Variants in FIGN observed in about 807,000 individuals in gnomAD.
FIGN encodes fidgetin, microtubule severing factor, also known as fidgetin.
Under a neutral mutation model 51.3 loss-of-function variants are expected in FIGN, and 11 were observed. That is an observed-to-expected ratio of 0.21 (90% CI 0.13 to 0.35). The LOEUF (loss-of-function observed/expected upper bound fraction) is 0.35. FIGN is among the 10% of genes least tolerant of loss of function. The pLI is 1.00. For synonymous variants in FIGN, 407 were observed against 363.2 expected (o/e 1.12, Z -1.37); for missense variants, 857 against 943.6 (o/e 0.91, Z 1.20).
Position 163,605,824 on chromosome 2 carries a change from G to T in FIGN, c.*3728C>A, listed in dbSNP as rs186188042. 3.9e-4 allele frequency: 59 copies of T among 151,446 alleles called. No individual in the cohort carries two copies. The highest frequency in any genetic ancestry group is 1.4e-3 in the African/African-American group (58 of 41,262). 9.4% of individuals were successfully genotyped at this position (151,446 alleles called of 1,614,324 possible). ...ATTTTTAGAGAAAGAAATTCTAAAT[G>T]TCTCTAAAAACGTATTTTCCAACCC... On this transcript the variant is annotated 3_prime_UTR_variant, in exon 3 of 3. Coordinates refer to ENST00000333129, the MANE Select transcript of FIGN (RefSeq NM_018086.4).
intron 2 of FIGN, among the ~76,000 whole-genome samples, chr2:163,697,082 T>C (rs566770348): frequency 1.3e-5 from 2 of 148,896 alleles, no homozygotes; most frequent in East Asian, 4.0e-4. Flanking sequence ...TGTGTCATAA[T>C]TTTTTTTCTT....
chr2:163,612,435 A>C, intron 2 of FIGN: 1 of 985,180 alleles, frequency 1.0e-6, no homozygotes, highest in Non-Finnish European at 1.2e-6. Flanking sequence ...CTCTCATCTA[A>C]AGTGGTCCAC....
intron 2 of FIGN, among the ~76,000 whole-genome samples, chr2:163,628,322 AGAG>A (rs1683088901): frequency 6.6e-6 from 1 of 152,204 alleles, no homozygotes; most frequent in African/African-American, 2.4e-5. Flanking sequence ...GAATAGAGAG[AGAG>A]GAGGTTTCCT....
chr2:163,659,369 C>T (rs1447300466), intron 2 of FIGN, among the ~76,000 whole-genome samples: 2 of 151,800 alleles, frequency 1.3e-5, no homozygotes, highest in Non-Finnish European at 2.9e-5. Context: ...ACCTAAACTA[C>T]TAGAACAATC....
intron 2 of FIGN, among the ~76,000 whole-genome samples, chr2:163,718,165 C>A (rs1684699072): frequency 6.6e-6 from 1 of 152,074 alleles, no homozygotes; most frequent in African/African-American, 2.4e-5. Flanking sequence ...TTCTAATGTG[C>A]CCTAACTTAG....
chr2:163,728,228 G>A (rs1457519386), intron 2 of FIGN, among the ~76,000 whole-genome samples: 1 of 150,780 alleles, frequency 6.6e-6, no homozygotes, highest in African/African-American at 2.5e-5. Flanking sequence ...TCAGCATTTT[G>A]TATCAGATAA....
chr2:163,697,081 A>G (rs1684332111), intron 2 of FIGN, among the ~76,000 whole-genome samples: 1 of 139,762 alleles, frequency 7.2e-6, no homozygotes, highest in African/African-American at 2.7e-5. Context: ...TTGTGTCATA[A>G]TTTTTTTTCT....
intron 2 of FIGN, among the ~76,000 whole-genome samples, chr2:163,711,652 T>C (rs986848866): frequency 1.2e-5 from 1 of 80,612 alleles, no homozygotes. Context: ...TGTATATTGT[T>C]TCTACAAAAA....
intron 2 of FIGN, among the ~76,000 whole-genome samples, chr2:163,708,292 G>A (rs763236433): frequency 4.3e-4 from 65 of 152,216 alleles, no homozygotes; most frequent in Non-Finnish European, 7.9e-4. Context: ...AGTATTAAAT[G>A]TAATTAAGAC....
At chr2:163,687,929 A>G (rs1394609913) in intron 2 of FIGN, among the ~76,000 whole-genome samples, 1 of 152,238 alleles carries the variant, frequency 6.6e-6, no homozygotes, top group East Asian at 1.9e-4. Flanking sequence ...TTAAGCCAGG[A>G]GTTAGTATAC....
At chr2:163,707,885 C>T (rs1684526841) in intron 2 of FIGN, among the ~76,000 whole-genome samples, 1 of 151,964 alleles carries the variant, frequency 6.6e-6, no homozygotes. Context: ...CTAAATACTT[C>T]CAAATATACT....
At position 163,690,024 on chromosome 2, in the gene FIGN, T is replaced by C. The variant is rs1384036084; in HGVS notation, c.25+44879A>G. ...TTTGGGTGATGCCAACATTAAAATATGTGCACTTTTCTTCCAGTTATGTCA... is the reference window on the plus strand; with the variant it reads ...TTTGGGTGATGCCAACATTAAAATACGTGCACTTTTCTTCCAGTTATGTCA... On this transcript the variant is annotated intron_variant, in intron 2 of 2. Transcript: ENST00000333129. Among the ~76,000 whole-genome samples, 2 of 152,200 alleles carry C rather than the reference T, an allele frequency of 1.3e-5. 1 individual carries two copies. Among genetic ancestry groups the C allele is most frequent in the South Asian group, 4.1e-4 (2 of 4,834 alleles).
At position 163,610,657 on chromosome 2, in the gene FIGN, C is replaced by T. The variant is rs775748194; in HGVS notation, c.1175G>A (p.Ser392Asn). ...GGTCAGAGCCCTACTGGACTGGCTG[C>T]TGAATTTCCTTTGCTGTTCAGAGGA... Reference protein sequence around the residue: ...LMSSEQQRKFSSQSSRALTPP... With the variant: ...LMSSEQQRKFNSQSSRALTPP... Residue 392 changes from serine (S) to asparagine (N), a missense_variant, in exon 3 of 3, where the codon AGC becomes AAC. By Grantham distance (46) the Ser-to-Asn change is conservative (BLOSUM62 1). Around this residue, in one of 3 missense-constraint regions of FIGN, gnomAD observed 799 missense variants for 849.5 expected, o/e 0.94. Coordinates refer to ENST00000333129, the MANE Select transcript of FIGN (RefSeq NM_018086.4). The T allele has an allele frequency of 1.2e-6, 2 of 1,614,026 alleles. No individual in the cohort carries two copies. The highest frequency in any genetic ancestry group is 1.7e-6 in the Non-Finnish European group (2 of 1,180,010).
chr2:163,653,527 G>A (rs1200776761), intron 2 of FIGN, among the ~76,000 whole-genome samples: 1 of 152,062 alleles, frequency 6.6e-6, no homozygotes, highest in Non-Finnish European at 1.5e-5. Context: ...AAAGTTATGT[G>A]ACAATAACAT....
At chr2:163,662,152 G>A (rs1000948991) in intron 2 of FIGN, among the ~76,000 whole-genome samples, 5 of 152,148 alleles carry the variant, frequency 3.3e-5, no homozygotes, top group Non-Finnish European at 7.3e-5. Flanking sequence ...TGACAATAAG[G>A]TCCAGGCTGA....
At chr2:163,697,785 T>C (rs1684346825) in intron 2 of FIGN, among the ~76,000 whole-genome samples, 1 of 152,230 alleles carries the variant, frequency 6.6e-6, no homozygotes, top group African/African-American at 2.4e-5. Flanking sequence ...ATAAGAGTTA[T>C]ACCTTGAGGT....
rs1162234909 is a variant in FIGN, at chr2:163,643,932, C to CAAAA, written c.26-32130_26-32127dup. 1.7e-3 allele frequency among the ~76,000 whole-genome samples: 33 copies of CAAAA among 19,076 alleles called. 6 individuals are homozygous for CAAAA. The highest frequency in any genetic ancestry group is 5.9e-3 in the African/African-American group (30 of 5,120). The allele number at this position is 19,076 out of a possible 152,430, so 12.5% of individuals were successfully genotyped here. On this transcript the variant is annotated intron_variant, in intron 2 of 2. Coordinates refer to ENST00000333129, the MANE Select transcript of FIGN (RefSeq NM_018086.4). The stretch of plus-strand genomic sequence containing the variant: ...GGGCAACAAGAGCGAAACTCTGTCT[C>CAAAA]AAAAAAAAAAAAAAAAAAAAAAAAA...
At position 163,608,945 on chromosome 2, in the gene FIGN, A is replaced by C. The variant is rs1435916939; in HGVS notation, c.*607T>G. ...ACTTTCCTGAGTTTTTGCAGACAAG[A>C]ACATTAAAAGAAATGAACTGCAGAA... On this transcript the variant is annotated 3_prime_UTR_variant, in exon 3 of 3. Transcript: ENST00000333129. 6.5e-6 allele frequency: 1 copy of C among 152,932 alleles called. No individual in the cohort carries two copies. The highest frequency in any genetic ancestry group is 2.4e-5 in the African/African-American group (1 of 41,440). The allele number at this position is 152,932 out of a possible 1,614,324, so 9.5% of individuals were successfully genotyped here.
At chr2:163,708,175 A>G (rs559316460) in intron 2 of FIGN, among the ~76,000 whole-genome samples, 1 of 152,226 alleles carries the variant, frequency 6.6e-6, no homozygotes, top group East Asian at 1.9e-4. Context: ...ACCAAAGAAA[A>G]CATACTTGTT....
Sources: gnomAD v4.1 joint callset for allele counts (sites outside exome capture counted in the v4.1 genomes callset) on GRCh38, gnomAD v4.1.1 for gene constraint, gnomAD v4.1.1 regional missense constraint, MANE v1.5 for transcripts, NCBI Gene and HGNC (gene_info 2026-07-23, HGNC 2026-07-21) for gene names.